The following ANOS1 variants were observed in gnomAD, a reference collection of about 807,000 sequenced individuals.
ANOS1 encodes the protein anosmin-1.
In ANOS1, 6 loss-of-function variants were observed where a neutral mutation model predicts 59.0. That is an observed-to-expected ratio of 0.10 (90% CI 0.06 to 0.20). ANOS1 has a LOEUF of 0.20. Ranked by LOEUF, ANOS1 falls within the 10% of genes least tolerant of loss-of-function variation. ANOS1 has a pLI of 1.00. For missense variants in ANOS1, 433 were observed against 542.3 expected, an observed-to-expected ratio of 0.80 and a Z score of 2.00; for synonymous variants, 217 against 223.4, an observed-to-expected ratio of 0.97 and a Z score of 0.25.
chrX:8,554,453 A>C (rs1174914834), intron 8 of ANOS1, among the ~76,000 whole-genome samples: 2 of 107,234 alleles, frequency 1.9e-5, no homozygotes, highest in Non-Finnish European at 3.8e-5. Flanking sequence ...AGACCAGGAG[A>C]TTCCCTCGGG....
At position 8,606,158 on chromosome X, in the gene ANOS1, G is replaced by A. The variant is rs141790344; in HGVS notation, c.319-8902C>T. On this transcript the variant is annotated intron_variant, in intron 3 of 13. Coordinates refer to ENST00000262648, the MANE Select transcript of ANOS1 (RefSeq NM_000216.4). ...ATCCAAGTGTACTTTAGATATAACT[G>A]TAGGTAAAATTTATCATGCATAAAC... is the stretch of plus-strand genomic sequence containing the variant. Among the ~76,000 whole-genome samples, 720 of 112,423 alleles carry A rather than the reference G, an allele frequency of 6.4e-3. 4 individuals carry two copies. Among genetic ancestry groups the A allele is most frequent in the Non-Finnish European group, 1.0e-2 (532 of 53,265 alleles).
chrX:8,684,341 T>G (rs1487339687), intron 2 of ANOS1, among the ~76,000 whole-genome samples: 1 of 111,148 alleles, frequency 9.0e-6, no homozygotes, highest in Non-Finnish European at 1.9e-5. Context: ...CCTGCATAGT[T>G]CAGTTGCTTT....
intron 2 of ANOS1, among the ~76,000 whole-genome samples, chrX:8,633,153 C>T (rs974924864): frequency 9.0e-6 from 1 of 111,587 alleles, no homozygotes; most frequent in Non-Finnish European, 1.9e-5. Context: ...AGAGGATTAG[C>T]ATGCCAGCCT....
chrX:8,682,498 CACAAGAATCTAT>C (rs1932441848), intron 2 of ANOS1, among the ~76,000 whole-genome samples: 1 of 111,009 alleles, frequency 9.0e-6, no homozygotes, highest in South Asian at 3.8e-4. Context: ...GTTTAATCAT[CACAAGAATCTAT>C]ACAGTGGCCC....
At position 8,532,808 on chromosome X, in the gene ANOS1, A is replaced by G. The variant is rs1293921518; in HGVS notation, c.*187T>C. On this transcript the variant is annotated 3_prime_UTR_variant, in exon 14 of 14. Coordinates refer to ENST00000262648, the MANE Select transcript of ANOS1 (RefSeq NM_000216.4). ...TAGGGAACTGGTGTCTGTCTTCACC[A>G]ATCTACTGTTTCTCACTTGTCTCCA... 81 of 423,403 alleles carry G rather than the reference A, an allele frequency of 1.9e-4. No homozygotes were observed. The highest frequency in any genetic ancestry group is 3.7e-5 in the Non-Finnish European group (9 of 240,084). 34.9% of individuals were successfully genotyped at this position (423,403 alleles called of 1,213,427 possible).
At chrX:8,554,270 T>C (rs1428706197) in intron 8 of ANOS1, among the ~76,000 whole-genome samples, 172 bp from the exon 9 acceptor site, 1 of 111,440 alleles carries the variant, frequency 9.0e-6, no homozygotes, top group East Asian at 2.8e-4. Context: ...TAGGACTGGT[T>C]AGACAGTGGG....
chrX:8,727,526 A>G (rs1328440282), intron 1 of ANOS1, among the ~76,000 whole-genome samples: 3 of 112,514 alleles, frequency 2.7e-5, no homozygotes. Context: ...AGGATGCAAT[A>G]AACCTGGGAG....
chrX:8,647,210 A>T (rs1227794428), intron 2 of ANOS1, among the ~76,000 whole-genome samples: 2 of 110,907 alleles, frequency 1.8e-5, no homozygotes, highest in Non-Finnish European at 3.8e-5. Context: ...TAGCACTTCC[A>T]TCCTCAGGTG....
At chrX:8,696,007 T>C (rs1481125312) in intron 2 of ANOS1, among the ~76,000 whole-genome samples, 2 of 112,047 alleles carry the variant, frequency 1.8e-5, no homozygotes, top group African/African-American at 3.2e-5. Flanking sequence ...TCCATCTTCA[T>C]AGAACAAAAG....
At chrX:8,546,614 T>C (rs1228177880) in intron 9 of ANOS1, among the ~76,000 whole-genome samples, 1 of 111,942 alleles carries the variant, frequency 8.9e-6, no homozygotes, top group East Asian at 2.8e-4. Context: ...AAATCCACGA[T>C]GCTATCACAG....
intron 9 of ANOS1, among the ~76,000 whole-genome samples, chrX:8,547,331 C>T (rs1019121710): frequency 1.8e-5 from 2 of 111,617 alleles, no homozygotes; most frequent in Non-Finnish European, 1.9e-5. Flanking sequence ...TTGACATTCC[C>T]GATCTTTCTC....
chrX:8,553,946 A>C lies in ANOS1; in HGVS notation c.1354+6T>G, dbSNP rs753320590. On this transcript the variant is annotated splice_donor_region_variant and intron_variant, in intron 9 of 13. Transcript: ENST00000262648. ...AGTAAGAAATAAGTAAGTAATGTTT[A>C]TGTACCTTCTGTCTTCTTCCAGTAG... 1.1e-5 allele frequency: 13 copies of C among 1,202,565 alleles called. No individual in the cohort carries two copies. Among genetic ancestry groups the C allele is most frequent in the Admixed American group, 2.2e-5 (1 of 45,736 alleles).
intron 2 of ANOS1, among the ~76,000 whole-genome samples, chrX:8,636,874 A>C (rs755815455): frequency 8.9e-6 from 1 of 112,378 alleles, no homozygotes; most frequent in Non-Finnish European, 1.9e-5. Flanking sequence ...CTCCAGATTA[A>C]TGAGTTAGAC....
At chrX:8,534,647 G>C (rs1240701908) in intron 12 of ANOS1, among the ~76,000 whole-genome samples, 187 bp from the exon 13 acceptor site, 1 of 111,603 alleles carries the variant, frequency 9.0e-6, no homozygotes, top group African/African-American at 3.3e-5. Flanking sequence ...CTGCCATATG[G>C]TTTCTTAGCA....
intron 2 of ANOS1, among the ~76,000 whole-genome samples, chrX:8,687,425 A>AAAATAAAT (rs772372495): frequency 2.7e-5 from 3 of 109,822 alleles, no homozygotes; most frequent in Non-Finnish European, 3.8e-5. Context: ...ACATTTGTCT[A>AAAATAAAT]AAATAAATAA....
Position 8,532,534 on chromosome X carries a change from G to A in ANOS1, c.*461C>T. The A allele has an allele frequency of 8.8e-6, 1 of 113,167 alleles. No homozygotes were observed. The highest frequency in any genetic ancestry group is 1.8e-5 in the Non-Finnish European group (1 of 54,066). 9.3% of individuals were successfully genotyped at this position (113,167 alleles called of 1,213,427 possible). A position where few individuals can be genotyped will look rare whatever the true frequency, so the allele number is the denominator to read the frequency against. On this transcript the variant is annotated 3_prime_UTR_variant, in exon 14 of 14. Coordinates refer to ENST00000262648, the MANE Select transcript of ANOS1 (RefSeq NM_000216.4). ...CTTAGGAAAGATTCAAAAAAACAAA[G>A]CTGTGTAATCTTAGTTGATTTTTCA...
intron 2 of ANOS1, among the ~76,000 whole-genome samples, chrX:8,665,980 T>C (rs995862276): frequency 9.0e-6 from 1 of 111,127 alleles, no homozygotes; most frequent in Non-Finnish European, 1.9e-5. Flanking sequence ...GGCAGGAGGA[T>C]TGCTTGACCC....
intron 8 of ANOS1, among the ~76,000 whole-genome samples, chrX:8,561,081 G>A (rs753301085): frequency 9.0e-6 from 1 of 111,667 alleles, no homozygotes; most frequent in South Asian, 3.7e-4. Context: ...CCCAACCTGC[G>A]GTAAGACAAG....
chrX:8,724,772 T>C (rs996361425), intron 1 of ANOS1, among the ~76,000 whole-genome samples: 1 of 112,184 alleles, frequency 8.9e-6, no homozygotes, highest in Non-Finnish European at 1.9e-5. Context: ...CTCCCCAAAA[T>C]GACACATTTT....
Sources: allele counts gnomAD v4.1 joint callset (sites outside exome capture counted in the v4.1 genomes callset), GRCh38; gene constraint gnomAD v4.1.1; transcripts MANE v1.5; gene names NCBI Gene and HGNC (gene_info 2026-07-23, HGNC 2026-07-21).